CMC1: variants seen among roughly 807,000 people sequenced by gnomAD.
The protein encoded by CMC1 is COX assembly mitochondrial protein homolog.
CMC1 carries 14 observed loss-of-function variants against 14.1 expected under a neutral mutation model. The observed-to-expected ratio is 0.99, with a 90% CI of 0.66 to 1.55. The LOEUF (loss-of-function observed/expected upper bound fraction) is 1.55. Ranked by LOEUF, CMC1 falls within the 40% of genes most tolerant of loss-of-function variation. The pLI is 0.00. For synonymous variants in CMC1, 50 were observed against 38.4 expected, an observed-to-expected ratio of 1.30 and a Z score of -1.12; for missense variants, 127 against 123.8, an observed-to-expected ratio of 1.03 and a Z score of -0.12.
rs1368035379 is a variant in CMC1, at chr3:28,319,778, T to A, written c.*149T>A. ...AAATAAATATTTTATTTCAAAGTTT[T>A]GGTTTCTTAAATGGGAAAGGAGTAG... On this transcript the variant is annotated 3_prime_UTR_variant, in exon 4 of 4. Transcript: ENST00000466830. The A allele has an allele frequency of 1.4e-6, 1 of 725,050 alleles. No homozygotes were observed. Among genetic ancestry groups the A allele is most frequent in the Non-Finnish European group, 2.1e-6 (1 of 480,436 alleles). 44.9% of individuals were successfully genotyped at this position (725,050 alleles called of 1,614,324 possible).
At chr3:28,289,634 T>C (rs571037717) in intron 2 of CMC1, among the ~76,000 whole-genome samples, 48 of 152,196 alleles carry the variant, frequency 3.2e-4, no homozygotes, top group African/African-American at 1.1e-3. Flanking sequence ...AGATGAAGCC[T>C]GTGAGGTTAA....
chr3:28,266,942 C>T (rs1700033252), intron 2 of CMC1, among the ~76,000 whole-genome samples: 1 of 152,084 alleles, frequency 6.6e-6, no homozygotes, highest in Admixed American at 6.6e-5. Context: ...AAGGAAAACC[C>T]TAGAATGGCC....
At chr3:28,285,429 T>G (rs565541238) in intron 2 of CMC1, among the ~76,000 whole-genome samples, 1 of 152,254 alleles carries the variant, frequency 6.6e-6, no homozygotes, top group East Asian at 1.9e-4. Context: ...CACATGACTT[T>G]CTGTCAAATA....
At chr3:28,291,137 A>G (rs1467370131) in intron 2 of CMC1, among the ~76,000 whole-genome samples, 2 of 152,150 alleles carry the variant, frequency 1.3e-5, no homozygotes, top group Non-Finnish European at 2.9e-5. Context: ...ATCTGGTAAG[A>G]CATGCCACAG....
At chr3:28,303,722 T>G (rs894372978) in intron 2 of CMC1, among the ~76,000 whole-genome samples, 2 of 152,142 alleles carry the variant, frequency 1.3e-5, no homozygotes, top group Admixed American at 6.5e-5. Context: ...ACTCCTTCAA[T>G]TAATTCACTT....
chr3:28,287,072 T>G (rs1028787727), intron 2 of CMC1, among the ~76,000 whole-genome samples: 3 of 152,196 alleles, frequency 2.0e-5, no homozygotes, highest in Non-Finnish European at 4.4e-5. Context: ...TATTATTTGG[T>G]GACCAATTCT....
intron 1 of CMC1, among the ~76,000 whole-genome samples, chr3:28,257,571 T>G (rs930154027): frequency 1.2e-4 from 19 of 152,160 alleles, no homozygotes; most frequent in African/African-American, 4.6e-4. Flanking sequence ...CAGGCTGGAG[T>G]GCAGTGATGC....
chr3:28,271,349 C>G (rs1033067874), intron 2 of CMC1, among the ~76,000 whole-genome samples: 1 of 152,138 alleles, frequency 6.6e-6, no homozygotes, highest in Non-Finnish European at 1.5e-5. Flanking sequence ...ATCCACCCAC[C>G]TCAGCCTCCC....
chr3:28,315,639 C>G (rs1025640062), intron 2 of CMC1, among the ~76,000 whole-genome samples: 1 of 152,162 alleles, frequency 6.6e-6, no homozygotes, highest in Non-Finnish European at 1.5e-5. Flanking sequence ...CTAGAATATA[C>G]AGTCGTGCAC....
intron 2 of CMC1, among the ~76,000 whole-genome samples, chr3:28,301,987 T>G (rs190167954): frequency 1.2e-4 from 19 of 152,022 alleles, no homozygotes; most frequent in Admixed American, 7.2e-4. Context: ...GTTTAAACAG[T>G]AAGATGGAGT....
chr3:28,302,362 T>C (rs1393105094), intron 2 of CMC1, among the ~76,000 whole-genome samples: 1 of 152,210 alleles, frequency 6.6e-6, no homozygotes, highest in Non-Finnish European at 1.5e-5. Flanking sequence ...GTTGCTTTTA[T>C]CAATACCTAT....
chr3:28,317,408 C>A (rs1243944887), intron 3 of CMC1: 2 of 151,776 alleles, frequency 1.3e-5, no homozygotes, highest in Non-Finnish European at 2.9e-5. Flanking sequence ...CAGTGCTTTA[C>A]CATATAGGAG....
chr3:28,286,321 G>C (rs568025608), intron 2 of CMC1, among the ~76,000 whole-genome samples: 2 of 152,296 alleles, frequency 1.3e-5, no homozygotes, highest in South Asian at 2.1e-4. Context: ...TTTTGACTTT[G>C]AAGAAGCATT....
chr3:28,276,173 T>C (rs1199196698), intron 2 of CMC1, among the ~76,000 whole-genome samples: 1 of 152,114 alleles, frequency 6.6e-6, no homozygotes, highest in Non-Finnish European at 1.5e-5. Context: ...AGGATTCACT[T>C]GCCCTTTTCA....
At chr3:28,250,310 G>A (rs1559398507) in intron 1 of CMC1, among the ~76,000 whole-genome samples, 1 of 152,134 alleles carries the variant, frequency 6.6e-6, no homozygotes, top group South Asian at 2.1e-4. Context: ...TAGTGCTGGA[G>A]GTCAGGAAGA....
At chr3:28,266,428 A>G (rs1700008416) in intron 2 of CMC1, among the ~76,000 whole-genome samples, 1 of 152,160 alleles carries the variant, frequency 6.6e-6, no homozygotes, top group African/African-American at 2.4e-5. Flanking sequence ...CATATTATTT[A>G]AATGGTGTCA....
In CMC1 at chr3:28,324,024, T is replaced by C. The variant is rs1416431662; in HGVS notation, c.*4395T>C. 1 of 1,582,322 alleles carries C rather than the reference T, an allele frequency of 6.3e-7. No individual in the cohort carries two copies. Among genetic ancestry groups the C allele is most frequent in the African/African-American group, 1.4e-5 (1 of 73,714 alleles). ...AGAGATAAGTGTCCTCATGGTGAAATCGTGAATCTCTTCCAAATTAATTCT... is the reference window on the plus strand; with the variant it reads ...AGAGATAAGTGTCCTCATGGTGAAACCGTGAATCTCTTCCAAATTAATTCT... On this transcript the variant is annotated 3_prime_UTR_variant, in exon 4 of 4. Coordinates refer to ENST00000466830, the MANE Select transcript of CMC1 (RefSeq NM_182523.2).
intron 1 of CMC1, among the ~76,000 whole-genome samples, chr3:28,255,427 C>T (rs1699345276): frequency 6.6e-6 from 1 of 151,392 alleles, no homozygotes; most frequent in Non-Finnish European, 1.5e-5. Context: ...TTTTTTTTCA[C>T]TAGAGACAGA....
In CMC1 at chr3:28,263,277, C is replaced by CTTT; in HGVS notation, c.20-6_20-4dup. The CTTT allele has an allele frequency of 1.4e-6, 2 of 1,418,832 alleles. No homozygotes were observed. Among genetic ancestry groups the CTTT allele is most frequent in the South Asian group, 1.3e-5 (1 of 77,182 alleles). 87.9% of individuals were successfully genotyped at this position (1,418,832 alleles called of 1,614,324 possible). On this transcript the variant is annotated splice_polypyrimidine_tract_variant and intron_variant, in intron 1 of 3. Transcript: ENST00000466830. ...GCTTGAGACTTTATTAAAGAAAGAT[C>CTTT]TTTTTTTTTTCAGACCAGCATCTCA...
Sources: gnomAD v4.1 joint callset for allele counts (sites outside exome capture counted in the v4.1 genomes callset) on GRCh38, gnomAD v4.1.1 for gene constraint, MANE v1.5 for transcripts, NCBI Gene and HGNC (gene_info 2026-07-23, HGNC 2026-07-21) for gene names.